TBL1X: variants seen among roughly 807,000 people sequenced by gnomAD.
TBL1X encodes transducin beta like 1 X-linked, also known as F-box-like/WD repeat-containing protein TBL1X.
A neutral mutation model predicts 50.7 loss-of-function variants in TBL1X; 10 were observed. That is an observed-to-expected ratio of 0.20 (90% CI 0.12 to 0.33). The LOEUF (loss-of-function observed/expected upper bound fraction) is 0.33. Ranked by LOEUF, TBL1X falls within the 10% of genes least tolerant of loss-of-function variation. The pLI, the probability that TBL1X is intolerant of heterozygous loss-of-function variation, is 1.00. For missense variants in TBL1X, 340 were observed against 504.4 expected (o/e 0.67, Z 3.12); for synonymous variants, 190 against 214.7 (o/e 0.88, Z 1.01).
At chrX:9,687,970 C>G in intron 6 of TBL1X, 47 bp from the exon 7 acceptor site, 1 of 1,167,643 alleles carries the variant, frequency 8.6e-7, no homozygotes, top group Non-Finnish European at 1.1e-6. Flanking sequence ...ATTCCCAGAG[C>G]CCTCACCCCC....
chrX:9,520,802 G>A (rs1479278857), intron 2 of TBL1X, among the ~76,000 whole-genome samples: 1 of 110,958 alleles, frequency 9.0e-6, no homozygotes, highest in Non-Finnish European at 1.9e-5. Flanking sequence ...AGTTAAACAG[G>A]TTCTAGAGGC....
At chrX:9,663,948 T>C (rs185485148) in intron 5 of TBL1X, among the ~76,000 whole-genome samples, 116 of 110,041 alleles carry the variant, frequency 1.1e-3, no homozygotes, top group African/African-American at 3.8e-3. Flanking sequence ...AATGAAGAGT[T>C]TGGTACCTTG....
chrX:9,517,229 G>C (rs1285098831), intron 2 of TBL1X, among the ~76,000 whole-genome samples: 1 of 111,026 alleles, frequency 9.0e-6, no homozygotes, highest in Non-Finnish European at 1.9e-5. Flanking sequence ...GCCAACATCT[G>C]TGTGTGTTCT....
chrX:9,651,206 GTTTGT>G (rs1481217798), intron 3 of TBL1X, among the ~76,000 whole-genome samples: 1 of 109,492 alleles, frequency 9.1e-6, no homozygotes, highest in African/African-American at 3.3e-5. Flanking sequence ...TTTTTCGTTT[GTTTGT>G]TTTGTTTTGT....
chrX:9,579,672 C>A (rs1297906419), intron 2 of TBL1X, among the ~76,000 whole-genome samples: 1 of 111,785 alleles, frequency 8.9e-6, no homozygotes, highest in Non-Finnish European at 1.9e-5. Flanking sequence ...CTGTAGTGAA[C>A]ATCCTTTGTT....
chrX:9,497,250 A>G (rs953276486), intron 1 of TBL1X, among the ~76,000 whole-genome samples: 2 of 109,442 alleles, frequency 1.8e-5, no homozygotes, highest in African/African-American at 6.7e-5. Context: ...CTCTACAAAA[A>G]ATACAAAAAT....
intron 6 of TBL1X, among the ~76,000 whole-genome samples, chrX:9,687,776 C>G (rs1410996494): frequency 9.2e-6 from 1 of 108,938 alleles, no homozygotes; most frequent in Admixed American, 9.9e-5. Context: ...GGGTTTGACA[C>G]TCAGAACAAC....
chrX:9,591,208 C>T (rs2082498232), intron 2 of TBL1X, among the ~76,000 whole-genome samples: 1 of 111,338 alleles, frequency 9.0e-6, no homozygotes, highest in Admixed American at 9.5e-5. Context: ...GTTTTTCACC[C>T]TCCACCAGAG....
chrX:9,477,104 A>G lies in TBL1X; in HGVS notation c.-201+11657A>G, dbSNP rs192275581. ...TTGAAACAAGATATTGTATGCTTTC[A>G]TTATTTCCCAGTTCATCTTTAAGCA... On this transcript the variant is annotated intron_variant, in intron 1 of 17. Coordinates refer to ENST00000645353, the MANE Select transcript of TBL1X (RefSeq NM_005647.4). Among the ~76,000 whole-genome samples, 104 of 112,298 alleles carry G rather than the reference A, an allele frequency of 9.3e-4. 1 individual carries two copies. The East Asian group carries it at 0.022, about 24-fold the overall frequency.
At chrX:9,694,235 GAAA>G (rs142404060) in intron 11 of TBL1X, among the ~76,000 whole-genome samples, 11 of 75,977 alleles carry the variant, frequency 1.4e-4, no homozygotes, top group African/African-American at 4.2e-4. Context: ...CTAGAATTGA[GAAA>G]AAAAAAAAAA....
At chrX:9,493,871 G>A (rs998665896) in intron 1 of TBL1X, among the ~76,000 whole-genome samples, 7 of 111,870 alleles carry the variant, frequency 6.3e-5, no homozygotes, top group East Asian at 2.8e-4. Context: ...GAACCCTCTC[G>A]TGGGAACAGA....
At position 9,688,172 on chromosome X, in the gene TBL1X, A is replaced by G; in HGVS notation, c.513A>G (p.Ala171=). ...AAAAAAAATA[A]ATAATTTSAG... is the part of the protein sequence containing the mutation. ...CGGCGGCGGCTGCGGCCACGGCAGC[A>G]GCGACAGCAGCCACCACGACCTCAG... The change falls in exon 7 of 18, where the codon GCA becomes GCG. Residue 171 remains alanine (A), a synonymous_variant. Coordinates refer to ENST00000645353, the MANE Select transcript of TBL1X (RefSeq NM_005647.4). The G allele has an allele frequency of 6.7e-6, 8 of 1,197,655 alleles. No homozygotes were observed. Among genetic ancestry groups the G allele is most frequent in the Non-Finnish European group, 9.0e-6 (8 of 888,597 alleles).
chrX:9,613,665 C>T (rs1278295479), intron 2 of TBL1X, among the ~76,000 whole-genome samples: 2 of 111,365 alleles, frequency 1.8e-5, no homozygotes, highest in African/African-American at 3.3e-5. Context: ...ATTTTGGATA[C>T]ACTGAGTAAA....
rs1240126288 is a variant in TBL1X at position 9,704,980 on chromosome X, C to T, written c.1115-13C>T. 27 of 1,210,022 alleles carry T rather than the reference C, an allele frequency of 2.2e-5. No homozygotes were observed. Among genetic ancestry groups the T allele is most frequent in the Non-Finnish European group, 3.0e-5 (27 of 895,387 alleles). On this transcript the variant is annotated splice_polypyrimidine_tract_variant and intron_variant, in intron 12 of 17. Transcript: ENST00000645353. ...CAGTGAGTAACTCCAGATGTCCTCCCTCCCTACTGCAGCCCCTGCCCTTGA... is the reference window on the plus strand; with the variant it reads ...CAGTGAGTAACTCCAGATGTCCTCCTTCCCTACTGCAGCCCCTGCCCTTGA...
At chrX:9,553,322 T>G (rs1201273372) in intron 2 of TBL1X, among the ~76,000 whole-genome samples, 4 of 111,504 alleles carry the variant, frequency 3.6e-5, no homozygotes, top group Non-Finnish European at 5.7e-5. Context: ...AGCCAAGGGA[T>G]GCTGGCGGCC....
intron 2 of TBL1X, among the ~76,000 whole-genome samples, chrX:9,548,855 T>G (rs1324466208): frequency 8.9e-6 from 1 of 112,935 alleles, no homozygotes; most frequent in Non-Finnish European, 1.9e-5. Flanking sequence ...ACCTTTTGTG[T>G]TTTCTTGATA....
intron 2 of TBL1X, among the ~76,000 whole-genome samples, chrX:9,536,311 C>T (rs1292482020): frequency 6.5e-5 from 7 of 107,164 alleles, no homozygotes; most frequent in East Asian, 2.9e-4. Context: ...AATGCAGTGG[C>T]GTGATCTCGG....
At chrX:9,613,039 C>CAA (rs542658168) in intron 2 of TBL1X, among the ~76,000 whole-genome samples, 19 of 91,313 alleles carry the variant, frequency 2.1e-4, no homozygotes, top group African/African-American at 4.0e-4. Flanking sequence ...AAATTATTAC[C>CAA]AAAAAAAAAA....
chrX:9,703,524 C>T (rs188020682), intron 12 of TBL1X, among the ~76,000 whole-genome samples: 2 of 111,802 alleles, frequency 1.8e-5, no homozygotes, highest in Non-Finnish European at 3.8e-5. Flanking sequence ...GTGACCCCTG[C>T]AGTCCGTGGA....
Sources: allele counts gnomAD v4.1 joint callset (sites outside exome capture counted in the v4.1 genomes callset), GRCh38; gene constraint gnomAD v4.1.1; transcripts MANE v1.5; gene names NCBI Gene and HGNC (gene_info 2026-07-23, HGNC 2026-07-21).